SH2D4B: variants seen among roughly 807,000 people sequenced by gnomAD.
SH2D4B encodes the protein SH2 domain-containing protein 4B.
SH2D4B carries 45 observed loss-of-function variants against 61.5 expected under a neutral mutation model. The observed-to-expected ratio is 0.73, with a 90% CI of 0.58 to 0.94. The LOEUF (loss-of-function observed/expected upper bound fraction) is 0.94. Ranked by LOEUF, SH2D4B falls within the 40% of genes least tolerant of loss-of-function variation. SH2D4B has a pLI of 0.00. For synonymous variants in SH2D4B, 224 were observed against 220.4 expected (o/e 1.02, Z -0.14); for missense variants, 572 against 574.2 (o/e 1.00, Z 0.04).
chr10:80,609,808 A>G (rs1842574195), intron 6 of SH2D4B, among the ~76,000 whole-genome samples: 1 of 152,164 alleles, frequency 6.6e-6, no homozygotes, highest in African/African-American at 2.4e-5. Flanking sequence ...GTAGCCACCA[A>G]GGGCCCCTCA....
Position 80,644,884 on chromosome 10 carries a change from A to T in SH2D4B, c.*799A>T, listed in dbSNP as rs541771377. ...TGCTCTCTGGGATGTGGCCCTCTCT[A>T]TGCAGGTTACTCCAATGATTAGCTC... On this transcript the variant is annotated 3_prime_UTR_variant, in exon 8 of 8. Coordinates refer to ENST00000646907, the MANE Select transcript of SH2D4B (RefSeq NM_001388272.1). 6.6e-6 allele frequency: 1 copy of T among 152,316 alleles called. No homozygotes were observed. Among genetic ancestry groups the T allele is most frequent in the South Asian group, 2.1e-4 (1 of 4,826 alleles). The allele number at this position is 152,316 out of a possible 1,614,324, so 9.4% of individuals were successfully genotyped here. A position where few individuals can be genotyped will look rare whatever the true frequency, so the allele number is the denominator to read the frequency against.
At chr10:80,544,226 A>T (rs1419945609) in intron 1 of SH2D4B, among the ~76,000 whole-genome samples, 2 of 152,110 alleles carry the variant, frequency 1.3e-5, no homozygotes, top group Non-Finnish European at 2.9e-5. Flanking sequence ...AAGAATGAAC[A>T]ACTCCAGAGG....
intron 1 of SH2D4B, among the ~76,000 whole-genome samples, chr10:80,546,200 A>T (rs2132103321): frequency 7.0e-6 from 1 of 142,022 alleles, no homozygotes; most frequent in East Asian, 2.0e-4. Context: ...GTGTGCCACC[A>T]TGCACGGCTA....
rs1840366526 is a variant in SH2D4B, at chr10:80,644,717, TC to T, written c.*633del. 1 of 152,260 alleles carries T rather than the reference TC, an allele frequency of 6.6e-6. No individual in the cohort carries two copies. Among genetic ancestry groups the T allele is most frequent in the Admixed American group, 6.5e-5 (1 of 15,286 alleles). 9.4% of individuals were successfully genotyped at this position (152,260 alleles called of 1,614,324 possible). The stretch of plus-strand genomic sequence containing the variant: ...ACCGTCCTGCCTTCCTTATTTAACC[TC>T]TTCTTTTGCCACTCGCCTCTATCTT... On this transcript the variant is annotated 3_prime_UTR_variant, in exon 8 of 8. Coordinates refer to ENST00000646907, the MANE Select transcript of SH2D4B (RefSeq NM_001388272.1).
At chr10:80,641,246 G>C (rs913337462) in intron 7 of SH2D4B, among the ~76,000 whole-genome samples, 2 of 152,240 alleles carry the variant, frequency 1.3e-5, no homozygotes, top group Non-Finnish European at 2.9e-5. Context: ...GGCTACACAG[G>C]GGTCAGGTAT....
At position 80,538,114 on chromosome 10, in the gene SH2D4B, G is replaced by C; in HGVS notation, c.-218G>C. The C allele has an allele frequency of 3.1e-6, 1 of 324,648 alleles. No individual in the cohort carries two copies. The highest frequency in any genetic ancestry group is 5.5e-6 in the Non-Finnish European group (1 of 180,852). 20.1% of individuals were successfully genotyped at this position (324,648 alleles called of 1,614,324 possible). On this transcript the variant is annotated 5_prime_UTR_variant, in exon 1 of 8. Coordinates refer to ENST00000646907, the MANE Select transcript of SH2D4B (RefSeq NM_001388272.1). The surrounding 1 kb of genome is among the most constrained non-coding windows in gnomAD (Gnocchi z 4.8). Reference sequence around the variant, plus strand: ...CTTGCAGAGTCCCACCTGCCCCTTTGGGTCCTGTTGCCTGGCCTCTTTTGC... The same window carrying C: ...CTTGCAGAGTCCCACCTGCCCCTTTCGGTCCTGTTGCCTGGCCTCTTTTGC...
chr10:80,623,931 C>T (rs1842745060), intron 6 of SH2D4B, among the ~76,000 whole-genome samples: 1 of 152,190 alleles, frequency 6.6e-6, no homozygotes, highest in African/African-American at 2.4e-5. Flanking sequence ...GCATTGGATC[C>T]TTATGGACCT....
At chr10:80,548,385 A>C (rs1223376724) in intron 1 of SH2D4B, among the ~76,000 whole-genome samples, 2 of 152,114 alleles carry the variant, frequency 1.3e-5, no homozygotes, top group African/African-American at 4.8e-5. Flanking sequence ...GCTGGTCTCA[A>C]ACTCCTGACC....
At chr10:80,543,200 T>G (rs1246163464) in intron 1 of SH2D4B, among the ~76,000 whole-genome samples, 1 of 152,160 alleles carries the variant, frequency 6.6e-6, no homozygotes, top group Non-Finnish European at 1.5e-5. Flanking sequence ...GCCGTTGCAC[T>G]GTGGGAGCCC....
rs190846661 is a variant in SH2D4B at position 80,636,905 on chromosome 10, G to A, written c.1209+2400G>A. Among the ~76,000 whole-genome samples, 665 of 152,152 alleles carry A rather than the reference G, an allele frequency of 4.4e-3. 1 individual carries two copies. Among genetic ancestry groups the A allele is most frequent in the Non-Finnish European group, 6.9e-3 (468 of 67,988 alleles). On this transcript the variant is annotated intron_variant, in intron 7 of 7. Transcript: ENST00000646907. ...TGGTATTGCCTAGGTTTTCTTCTAG[G>A]GTTTTTATGGTTTTAGGTCTAATGT...
chr10:80,608,287 G>T (rs1842544285), intron 5 of SH2D4B, among the ~76,000 whole-genome samples: 1 of 152,148 alleles, frequency 6.6e-6, no homozygotes, highest in Non-Finnish European at 1.5e-5. Flanking sequence ...GGGACTGAAG[G>T]CACAGAGGGC....
At chr10:80,586,302 G>A (rs1370877366) in intron 3 of SH2D4B, among the ~76,000 whole-genome samples, 2 of 152,234 alleles carry the variant, frequency 1.3e-5, no homozygotes, top group Non-Finnish European at 2.9e-5. Context: ...TGCGGCCCTG[G>A]TGCGCGATCC....
At chr10:80,573,503 A>T (rs1182531125) in intron 3 of SH2D4B, among the ~76,000 whole-genome samples, 43 of 152,062 alleles carry the variant, frequency 2.8e-4, no homozygotes, top group Admixed American at 2.8e-3. Context: ...GTTTTCCTTC[A>T]CTTTGGAGGG....
chr10:80,549,203 TTGTGTGTGTGTG>T (rs1554874982), intron 1 of SH2D4B, among the ~76,000 whole-genome samples: 1 of 120,230 alleles, frequency 8.3e-6, no homozygotes, highest in Admixed American at 7.7e-5. Context: ...TGGGACTTGA[TTGTGTGTGTGTG>T]TGTGTGTGTG....
At chr10:80,540,900 T>C (rs1024790863) in intron 1 of SH2D4B, 3 of 1,551,682 alleles carry the variant, frequency 1.9e-6, no homozygotes. Flanking sequence ...TCCCTTGATG[T>C]TGCCAGAGGA....
chr10:80,538,903 G>A lies in SH2D4B; in HGVS notation c.184+388G>A, dbSNP rs1055323109. 3.3e-5 allele frequency among the ~76,000 whole-genome samples: 5 copies of A among 152,204 alleles called. No homozygotes were observed. Among genetic ancestry groups the A allele is most frequent in the Non-Finnish European group, 7.3e-5 (5 of 68,034 alleles). ...GCCATTGGTTCTGGGCCAGAGTGTG[G>A]TGTAGATATGCAGTTCCTTTCTCCT... On this transcript the variant is annotated intron_variant, in intron 1 of 7. Coordinates refer to ENST00000646907, the MANE Select transcript of SH2D4B (RefSeq NM_001388272.1). This position sits in a 1 kb window ranked among gnomAD's most constrained non-coding sequence, Gnocchi z 4.8.
intron 3 of SH2D4B, among the ~76,000 whole-genome samples, chr10:80,572,700 A>G (rs1842062559): frequency 6.6e-6 from 1 of 150,892 alleles, no homozygotes; most frequent in Non-Finnish European, 1.5e-5. Flanking sequence ...GTTCACTGCA[A>G]CCTCTGCCTC....
chr10:80,597,851 A>G (rs986396987), intron 4 of SH2D4B, among the ~76,000 whole-genome samples: 1 of 152,148 alleles, frequency 6.6e-6, no homozygotes, highest in African/African-American at 2.4e-5. Flanking sequence ...AAGCAAGATC[A>G]TTGTGTGCAT....
intron 3 of SH2D4B, among the ~76,000 whole-genome samples, chr10:80,586,731 C>T (rs1166635249): frequency 6.6e-6 from 1 of 152,160 alleles, no homozygotes; most frequent in African/African-American, 2.4e-5. Context: ...GGGCTGGGAT[C>T]CCCTTGCCGC....
Sources: gnomAD v4.1 joint callset for allele counts (sites outside exome capture counted in the v4.1 genomes callset) on GRCh38, gnomAD v4.1.1 for gene constraint, Gnocchi (gnomAD v3.1) non-coding constraint, MANE v1.5 for transcripts, NCBI Gene and HGNC (gene_info 2026-07-23, HGNC 2026-07-21) for gene names.